Variants in CCDC178 observed in about 807,000 individuals in gnomAD.
CCDC178 encodes the protein coiled-coil domain-containing protein 178.
In CCDC178, 126 loss-of-function variants were observed where a neutral mutation model predicts 117.4. The ratio of observed to expected loss-of-function variants is 1.07; its 90% CI spans 0.93 to 1.24. The LOEUF (loss-of-function observed/expected upper bound fraction) is 1.24. Among genes scored for constraint, CCDC178 ranks in the 50% most tolerant of loss-of-function variants. The pLI is 0.00. For synonymous variants in CCDC178, 283 were observed against 313.4 expected, an observed-to-expected ratio of 0.90 and a Z score of 1.02; for missense variants, 1,030 against 986.9, an observed-to-expected ratio of 1.04 and a Z score of -0.59.
chr18:33,015,438 G>C (rs1018005794), intron 21 of CCDC178, among the ~76,000 whole-genome samples: 2 of 151,958 alleles, frequency 1.3e-5, no homozygotes, highest in African/African-American at 2.4e-5. Context: ...GGTGGCAGAT[G>C]CCTGTAGTCC....
intron 21 of CCDC178, among the ~76,000 whole-genome samples, chr18:33,033,666 A>C (rs1264545023): frequency 6.6e-6 from 1 of 152,062 alleles, no homozygotes; most frequent in East Asian, 1.9e-4. Flanking sequence ...GACTTTCGCT[A>C]ATCTTTCCCA....
intron 12 of CCDC178, among the ~76,000 whole-genome samples, chr18:33,271,755 AG>A (rs1245453231): frequency 6.6e-6 from 1 of 151,508 alleles, no homozygotes; most frequent in Non-Finnish European, 1.5e-5. Flanking sequence ...AATAACACAA[AG>A]AAATAACAGA....
chr18:33,090,227 A>C (rs2057442875), intron 21 of CCDC178, among the ~76,000 whole-genome samples: 1 of 152,174 alleles, frequency 6.6e-6, no homozygotes, highest in Admixed American at 6.5e-5. Context: ...TACTCTTGGC[A>C]TAAGAATACA....
intron 6 of CCDC178, among the ~76,000 whole-genome samples, chr18:33,359,121 G>A (rs1440991810): frequency 1.3e-5 from 2 of 151,666 alleles, no homozygotes; most frequent in South Asian, 2.1e-4. Flanking sequence ...GAGAGTCAGG[G>A]GAAAATTGGT....
intron 11 of CCDC178, among the ~76,000 whole-genome samples, chr18:33,304,444 T>C (rs1340854460): frequency 1.3e-5 from 2 of 152,312 alleles, no homozygotes; most frequent in East Asian, 3.9e-4. Context: ...AGAAAGAGAA[T>C]GCTAGCAAGA....
chr18:33,356,065 C>T (rs1033044213), intron 7 of CCDC178, among the ~76,000 whole-genome samples: 1 of 152,132 alleles, frequency 6.6e-6, no homozygotes, highest in African/African-American at 2.4e-5. Flanking sequence ...TTCCAGATTT[C>T]TGTAAAAGTC....
At chr18:33,006,757 G>T (rs2055758822) in intron 21 of CCDC178, among the ~76,000 whole-genome samples, 1 of 152,034 alleles carries the variant, frequency 6.6e-6, no homozygotes, top group Admixed American at 6.6e-5. Context: ...TTTTAATATT[G>T]AAGTGCCATG....
chr18:33,371,148 A>T (rs1427478415), intron 5 of CCDC178, among the ~76,000 whole-genome samples: 4 of 151,986 alleles, frequency 2.6e-5, no homozygotes, highest in African/African-American at 7.2e-5. Flanking sequence ...CAATCTTTTA[A>T]ATATCTTTTA....
Position 33,348,955 on chromosome 18 carries a change from T to C in CCDC178, c.392A>G (p.Lys131Arg). 2 of 1,609,078 alleles carry C rather than the reference T, an allele frequency of 1.2e-6. No individual in the cohort carries two copies. The highest frequency in any genetic ancestry group is 1.7e-6 in the Non-Finnish European group (2 of 1,177,282). The change falls in exon 8 of 23, where the codon AAA becomes AGA. Residue 131 changes from lysine to arginine, a missense_variant. Coordinates refer to ENST00000383096, the MANE Select transcript of CCDC178 (RefSeq NM_001105528.4). The stretch of plus-strand genomic sequence containing the variant: ...TACACTCCAATCTTCTTTCAGGTCT[T>C]TTGTGGAAGAAGTTCTGCTCCTATA... ...FEEWSRTSSTKDLKEDWSVTT... is the reference protein window; with the variant it reads ...FEEWSRTSSTRDLKEDWSVTT...
chr18:33,113,315 CAT>C (rs896835692), intron 20 of CCDC178, among the ~76,000 whole-genome samples: 306 of 152,014 alleles, frequency 2.0e-3, no homozygotes, highest in African/African-American at 6.8e-3. Context: ...GAAATAAAAA[CAT>C]GTGTATTTCT....
chr18:33,177,232 G>A (rs968979250), intron 20 of CCDC178, among the ~76,000 whole-genome samples: 1 of 152,048 alleles, frequency 6.6e-6, no homozygotes, highest in Non-Finnish European at 1.5e-5. Context: ...GGGAAGGAGA[G>A]CATTAGGACA....
chr18:33,190,338 CT>C (rs2058842442), intron 20 of CCDC178, among the ~76,000 whole-genome samples: 1 of 152,168 alleles, frequency 6.6e-6, no homozygotes, highest in Non-Finnish European at 1.5e-5. Context: ...CTAAAAGGCT[CT>C]GTTTCTCAGA....
At chr18:32,947,015 C>A (rs986743755) in intron 22 of CCDC178, among the ~76,000 whole-genome samples, 1 of 151,878 alleles carries the variant, frequency 6.6e-6, no homozygotes, top group Non-Finnish European at 1.5e-5. Flanking sequence ...CTCCTGACCT[C>A]GTGATCCGCC....
intron 18 of CCDC178, among the ~76,000 whole-genome samples, chr18:33,222,463 C>A (rs2059248550): frequency 6.6e-6 from 1 of 152,062 alleles, no homozygotes; most frequent in African/African-American, 2.4e-5. Flanking sequence ...AACTAGGCAA[C>A]AACAGATTTG....
rs182979854 is a variant in CCDC178, at chr18:33,323,154, C to G, written c.1022+337G>C. On this transcript the variant is annotated intron_variant, in intron 11 of 22. Coordinates refer to ENST00000383096, the MANE Select transcript of CCDC178 (RefSeq NM_001105528.4). Reference sequence around the variant, plus strand: ...TATTGATACCTAATTAGTTTTTAATCATATCCCATGCTGGATTTTTTTAAA... The same window carrying G: ...TATTGATACCTAATTAGTTTTTAATGATATCCCATGCTGGATTTTTTTAAA... The G allele has an allele frequency of 2.9e-3, 451 of 157,220 alleles. 3 individuals carry two copies. Among genetic ancestry groups the G allele is most frequent in the Non-Finnish European group, 4.5e-3 (321 of 71,570 alleles). 9.7% of individuals were successfully genotyped at this position (157,220 alleles called of 1,614,324 possible). A position where few individuals can be genotyped will look rare whatever the true frequency, so the allele number is the denominator to read the frequency against.
chr18:33,068,441 TACAACAAC>T (rs1267755583), intron 21 of CCDC178, among the ~76,000 whole-genome samples: 2 of 152,074 alleles, frequency 1.3e-5, no homozygotes, highest in African/African-American at 4.8e-5. Context: ...GCAAACTCAA[TACAACAAC>T]ACATCAAAAA....
intron 21 of CCDC178, among the ~76,000 whole-genome samples, chr18:32,994,667 T>C (rs2055467527): frequency 6.6e-6 from 1 of 152,200 alleles, no homozygotes; most frequent in Non-Finnish European, 1.5e-5. Context: ...AGTTTATTGC[T>C]GCGGTCAATA....
chr18:33,256,240 C>T (rs1703673969), intron 14 of CCDC178, among the ~76,000 whole-genome samples: 1 of 151,822 alleles, frequency 6.6e-6, no homozygotes, highest in South Asian at 2.1e-4. Flanking sequence ...GCAAACCTTT[C>T]ATTTTATATT....
chr18:32,997,485 G>C (rs1344747982), intron 21 of CCDC178, among the ~76,000 whole-genome samples: 1 of 152,122 alleles, frequency 6.6e-6, no homozygotes, highest in Non-Finnish European at 1.5e-5. Flanking sequence ...TTCATTGGAT[G>C]TTCAGCCTGT....
Sources: allele counts gnomAD v4.1 joint callset (sites outside exome capture counted in the v4.1 genomes callset), GRCh38; gene constraint gnomAD v4.1.1; transcripts MANE v1.5; gene names NCBI Gene and HGNC (gene_info 2026-07-23, HGNC 2026-07-21).